Variants in IL1RAPL1 observed in about 807,000 individuals in gnomAD.
IL1RAPL1 encodes interleukin 1 receptor accessory protein like 1, also known as interleukin-1 receptor accessory protein-like 1.
In IL1RAPL1, 3 loss-of-function variants were observed where a neutral mutation model predicts 48.4. That is an observed-to-expected ratio of 0.06 (90% CI 0.03 to 0.16). The LOEUF is 0.16. Ranked by LOEUF, IL1RAPL1 falls within the 10% of genes least tolerant of loss-of-function variation. The probability of loss-of-function intolerance (pLI) is 1.00; values close to 1 mark genes in which losing one functional copy is unlikely to be tolerated. For synonymous variants in IL1RAPL1, 185 were observed against 187.7 expected (o/e 0.99, Z 0.12); for missense variants, 349 against 530.6 (o/e 0.66, Z 3.36).
intron 3 of IL1RAPL1, among the ~76,000 whole-genome samples, chrX:29,332,156 C>A: frequency 3.6e-5 from 1 of 27,567 alleles, no homozygotes; most frequent in African/African-American, 1.1e-4. Context: ...TTCATTGTTA[C>A]GAAACAGATG....
chrX:29,508,550 A>AG (rs1265545530), intron 5 of IL1RAPL1, among the ~76,000 whole-genome samples: 1 of 112,089 alleles, frequency 8.9e-6, no homozygotes, highest in Non-Finnish European at 1.9e-5. Context: ...AAGAAAAAAA[A>AG]CAATGAATAT....
At chrX:29,229,786 A>G (rs1313718757) in intron 2 of IL1RAPL1, among the ~76,000 whole-genome samples, 1 of 112,352 alleles carries the variant, frequency 8.9e-6, no homozygotes, top group African/African-American at 3.2e-5. Context: ...TTTTTTAATT[A>G]GCCACCCTTT....
chrX:29,934,555 A>G, intron 8 of IL1RAPL1, among the ~76,000 whole-genome samples: 1 of 112,461 alleles, frequency 8.9e-6, no homozygotes, highest in South Asian at 3.7e-4. Context: ...AACTGCAGAT[A>G]TTATAGAAAA....
chrX:29,310,785 G>A (rs1229692556), intron 3 of IL1RAPL1, among the ~76,000 whole-genome samples: 1 of 112,076 alleles, frequency 8.9e-6, no homozygotes, highest in Non-Finnish European at 1.9e-5. Flanking sequence ...TTTTGATTCA[G>A]ACATAAAATG....
intron 1 of IL1RAPL1, among the ~76,000 whole-genome samples, chrX:28,638,301 C>T (rs1257984529): frequency 9.0e-6 from 1 of 111,331 alleles, no homozygotes; most frequent in Non-Finnish European, 1.9e-5. Context: ...AATTAATCCT[C>T]ATAAGTCAGA....
At chrX:29,633,053 C>T (rs1383206852) in intron 5 of IL1RAPL1, among the ~76,000 whole-genome samples, 3 of 111,297 alleles carry the variant, frequency 2.7e-5, no homozygotes, top group Non-Finnish European at 3.8e-5. Context: ...ACAATATACA[C>T]GAGTATGTTC....
intron 3 of IL1RAPL1, among the ~76,000 whole-genome samples, chrX:29,292,768 G>A (rs1358949049): frequency 9.1e-6 from 1 of 109,749 alleles, no homozygotes; most frequent in Non-Finnish European, 1.9e-5. Flanking sequence ...TGAAACCATA[G>A]TATACCCTTG....
intron 2 of IL1RAPL1, among the ~76,000 whole-genome samples, chrX:28,902,903 T>C (rs1923116423): frequency 9.0e-6 from 1 of 110,968 alleles, no homozygotes; most frequent in Admixed American, 9.7e-5. Flanking sequence ...ATTTAGGTTG[T>C]GTGCTTCTTA....
intron 1 of IL1RAPL1, among the ~76,000 whole-genome samples, chrX:28,768,755 C>CTCTA (rs1364972830): frequency 1.2e-3 from 41 of 34,865 alleles, no homozygotes; most frequent in African/African-American, 2.8e-3. Context: ...CTCTCTCTCT[C>CTCTA]TATATATATA....
chrX:29,067,690 T>C lies in IL1RAPL1; in HGVS notation c.83-215248T>C, dbSNP rs185422353. ...ATCCTGGCTTCATCACTAAGAGATG[T>C]AGGCTTTTGACCAGTTAATCTAGGT... is the stretch of plus-strand genomic sequence containing the variant. On this transcript the variant is annotated intron_variant, in intron 2 of 10. Transcript: ENST00000378993. 8.9e-5 allele frequency among the ~76,000 whole-genome samples: 10 copies of C among 111,816 alleles called. No individual in the cohort carries two copies. In the East Asian group the frequency reaches 2.8e-3, roughly 31 times the overall value.
At chrX:28,997,047 A>C (rs935984354) in intron 2 of IL1RAPL1, among the ~76,000 whole-genome samples, 14 of 111,189 alleles carry the variant, frequency 1.3e-4, no homozygotes, top group Admixed American at 3.9e-4. Context: ...TCATGGACTT[A>C]CCCAGTGCGC....
At chrX:29,546,224 A>G (rs901227273) in intron 5 of IL1RAPL1, among the ~76,000 whole-genome samples, 1 of 111,751 alleles carries the variant, frequency 8.9e-6, no homozygotes, top group Non-Finnish European at 1.9e-5. Context: ...TCATTGCTTG[A>G]CCAACCCACA....
intron 3 of IL1RAPL1, among the ~76,000 whole-genome samples, chrX:29,351,169 T>A (rs1214311001): frequency 8.9e-6 from 1 of 112,162 alleles, no homozygotes; most frequent in Non-Finnish European, 1.9e-5. Context: ...TTGTCAAAGG[T>A]CTGATAAGGA....
At chrX:29,456,373 C>G (rs920807402) in intron 5 of IL1RAPL1, among the ~76,000 whole-genome samples, 1 of 111,652 alleles carries the variant, frequency 9.0e-6, no homozygotes, top group Non-Finnish European at 1.9e-5. Context: ...TCATGGCTAA[C>G]TGTTATAAAA....
At chrX:28,736,139 A>G in intron 1 of IL1RAPL1, among the ~76,000 whole-genome samples, 1 of 111,809 alleles carries the variant, frequency 8.9e-6, no homozygotes. Context: ...GTTCATTAAA[A>G]TGATGGCTCA....
intron 2 of IL1RAPL1, among the ~76,000 whole-genome samples, chrX:29,062,665 C>G (rs1298871089): frequency 1.8e-5 from 2 of 112,086 alleles, no homozygotes; most frequent in Admixed American, 1.9e-4. Context: ...ATTCTCTTTA[C>G]AACTCTATCA....
intron 2 of IL1RAPL1, among the ~76,000 whole-genome samples, chrX:29,173,213 C>G (rs1045994695): frequency 9.0e-6 from 1 of 111,256 alleles, no homozygotes; most frequent in Non-Finnish European, 1.9e-5. Context: ...TGATTTTATT[C>G]AGATGCCTTG....
chrX:29,707,343 T>A (rs1326733983), intron 6 of IL1RAPL1, among the ~76,000 whole-genome samples: 1 of 112,237 alleles, frequency 8.9e-6, no homozygotes, highest in Non-Finnish European at 1.9e-5. Flanking sequence ...TTGGTGGGAA[T>A]GTAAACTAGT....
chrX:28,862,819 T>C (rs1921978967), intron 2 of IL1RAPL1, among the ~76,000 whole-genome samples: 3 of 112,227 alleles, frequency 2.7e-5, no homozygotes, highest in African/African-American at 9.7e-5. Flanking sequence ...TCTGTTTCTC[T>C]CTCTGATACT....
Sources: allele counts gnomAD v4.1 joint callset (sites outside exome capture counted in the v4.1 genomes callset), GRCh38; gene constraint gnomAD v4.1.1; transcripts MANE v1.5; gene names NCBI Gene and HGNC (gene_info 2026-07-23, HGNC 2026-07-21).